Variants in BEAN1 observed in about 807,000 individuals in gnomAD.
BEAN1 encodes the protein protein BEAN1.
BEAN1 carries 17 observed loss-of-function variants against 17.7 expected under a neutral mutation model. The observed-to-expected ratio is 0.96, with a 90% CI of 0.66 to 1.44. The LOEUF (loss-of-function observed/expected upper bound fraction) is 1.44. Ranked by LOEUF, BEAN1 falls within the 40% of genes most tolerant of loss-of-function variation. The probability of loss-of-function intolerance (pLI) is 0.00; values close to 1 mark genes in which losing one functional copy is unlikely to be tolerated. For synonymous variants in BEAN1, 142 were observed against 151.8 expected, an observed-to-expected ratio of 0.94 and a Z score of 0.47; for missense variants, 359 against 374.1, an observed-to-expected ratio of 0.96 and a Z score of 0.33.
At chr16:66,435,170 G>T (rs1000209837) in intron 1 of BEAN1, among the ~76,000 whole-genome samples, 2 of 152,120 alleles carry the variant, frequency 1.3e-5, no homozygotes, top group African/African-American at 4.8e-5. Context: ...TAGGAAGCAG[G>T]CCAGCCAGAG....
intron 2 of BEAN1, among the ~76,000 whole-genome samples, chr16:66,462,523 CA>C (rs1471787296): frequency 6.6e-6 from 1 of 152,162 alleles, no homozygotes; most frequent in Non-Finnish European, 1.5e-5. Context: ...AGGACAAGGC[CA>C]GGGGCAGTGG....
intron 2 of BEAN1, among the ~76,000 whole-genome samples, chr16:66,438,390 C>T (rs1225977822): frequency 6.6e-6 from 1 of 152,008 alleles, no homozygotes; most frequent in Non-Finnish European, 1.5e-5. Context: ...TCTCAGAAAA[C>T]AAATAATAAT....
At chr16:66,463,976 A>G (rs1413625785) in intron 2 of BEAN1, among the ~76,000 whole-genome samples, 1 of 152,188 alleles carries the variant, frequency 6.6e-6, no homozygotes, top group Non-Finnish European at 1.5e-5. Flanking sequence ...ATTCTAGTCC[A>G]TTTATTTATA....
chr16:66,454,729 C>CTTTTTTT (rs538469751), intron 2 of BEAN1, among the ~76,000 whole-genome samples: 141 of 83,434 alleles, frequency 1.7e-3, no homozygotes, highest in African/African-American at 2.3e-3. Flanking sequence ...TTCTTTCTTT[C>CTTTTTTT]TTTTTTTTTT....
intron 2 of BEAN1, among the ~76,000 whole-genome samples, chr16:66,451,684 C>T (rs780993623): frequency 1.3e-5 from 2 of 152,176 alleles, no homozygotes; most frequent in African/African-American, 2.4e-5. Flanking sequence ...AGCTCATAGC[C>T]GAAATTGCTG....
At chr16:66,466,125 T>A (rs944285652) in intron 2 of BEAN1, among the ~76,000 whole-genome samples, 11 of 152,152 alleles carry the variant, frequency 7.2e-5, no homozygotes, top group Non-Finnish European at 1.5e-4. Context: ...AATTTGTTAA[T>A]CTTTTTAAAG....
intron 3 of BEAN1, among the ~76,000 whole-genome samples, chr16:66,470,816 A>G (rs1008473457): frequency 1.6e-4 from 25 of 152,208 alleles, no homozygotes; most frequent in African/African-American, 5.8e-4. Flanking sequence ...AAAAAATTCA[A>G]TTGCATTCCA....
chr16:66,430,217 C>T (rs1471576565), intron 1 of BEAN1, among the ~76,000 whole-genome samples: 1 of 152,244 alleles, frequency 6.6e-6, no homozygotes, highest in Non-Finnish European at 1.5e-5. Flanking sequence ...ATACAGATAG[C>T]ACATAGCCAT....
Position 66,434,630 on chromosome 16 carries a change from C to T in BEAN1, c.-82-2965C>T, listed in dbSNP as rs1407372443. Among the ~76,000 whole-genome samples the T allele has an allele frequency of 2.0e-5, 3 of 152,100 alleles. No individual in the cohort carries two copies. The highest frequency in any genetic ancestry group is 7.2e-5 in the African/African-American group (3 of 41,420). The stretch of plus-strand genomic sequence containing the variant: ...AGCCTGGGGTGCTAGGAGGTTGCAG[C>T]GGGAGGCTGTGTTTAAAGTGCTGAT... On this transcript the variant is annotated intron_variant, in intron 1 of 4. Coordinates refer to ENST00000536005, the MANE Select transcript of BEAN1 (RefSeq NM_001178020.3). This position sits in a 1 kb window ranked among gnomAD's most constrained non-coding sequence, Gnocchi z 4.3.
chr16:66,456,033 G>A (rs1006811020), intron 2 of BEAN1, among the ~76,000 whole-genome samples: 5 of 152,304 alleles, frequency 3.3e-5, no homozygotes, highest in Admixed American at 6.5e-5. Context: ...CAGGCTCTGA[G>A]CATAAGGCAA....
chr16:66,493,112 G>A (rs988282843), exon 5 of BEAN1: 7 of 703,016 alleles, frequency 1.0e-5, no homozygotes, highest in South Asian at 8.9e-5. Context: ...CAAGCAGATG[G>A]TGTTCAAGAT....
At chr16:66,460,888 C>T (rs1457414505) in intron 2 of BEAN1, among the ~76,000 whole-genome samples, 1 of 152,174 alleles carries the variant, frequency 6.6e-6, no homozygotes, top group Non-Finnish European at 1.5e-5. Flanking sequence ...GAGGCTGTTT[C>T]CTTACCTGTT....
At chr16:66,493,628 G>A, downstream of BEAN1, 1 of 506,742 alleles carries the variant, frequency 2.0e-6, no homozygotes, top group South Asian at 3.7e-5. Context: ...CACCGCCTCA[G>A]GGTGCAGCAG....
intron 1 of BEAN1, among the ~76,000 whole-genome samples, chr16:66,431,939 T>G (rs1303447635): frequency 6.6e-6 from 1 of 152,100 alleles, no homozygotes; most frequent in Non-Finnish European, 1.5e-5. Flanking sequence ...CCCGAGTAGC[T>G]GGGATCACAG....
chr16:66,445,663 G>A (rs369203990), intron 2 of BEAN1, among the ~76,000 whole-genome samples: 4 of 152,044 alleles, frequency 2.6e-5, no homozygotes, highest in Non-Finnish European at 5.9e-5. Context: ...GGTTTGGCTT[G>A]ATCCATCAAC....
intron 1 of BEAN1, among the ~76,000 whole-genome samples, chr16:66,435,174 G>A (rs1340553533): frequency 1.3e-5 from 2 of 152,156 alleles, no homozygotes; most frequent in Non-Finnish European, 2.9e-5. Flanking sequence ...AAGCAGGCCA[G>A]CCAGAGCATC....
intron 3 of BEAN1, among the ~76,000 whole-genome samples, chr16:66,476,728 G>A (rs1199053717): frequency 6.6e-6 from 1 of 152,204 alleles, no homozygotes; most frequent in African/African-American, 2.4e-5. Flanking sequence ...CTCAGCTGTG[G>A]AATGAGAGGA....
At chr16:66,448,605 T>A (rs1349316156) in intron 2 of BEAN1, among the ~76,000 whole-genome samples, 2 of 151,888 alleles carry the variant, frequency 1.3e-5, no homozygotes, top group Non-Finnish European at 2.9e-5. Context: ...GCAGATCATC[T>A]GAGGTCAGGA....
rs1304305477 is a variant in BEAN1, at chr16:66,434,804, C to T, written c.-82-2791C>T. Among the ~76,000 whole-genome samples the T allele has an allele frequency of 2.0e-5, 3 of 152,148 alleles. No individual in the cohort carries two copies. The highest frequency in any genetic ancestry group is 7.2e-5 in the African/African-American group (3 of 41,438). On this transcript the variant is annotated intron_variant, in intron 1 of 4. Coordinates refer to ENST00000536005, the MANE Select transcript of BEAN1 (RefSeq NM_001178020.3). The surrounding 1 kb of genome is among the most constrained non-coding windows in gnomAD (Gnocchi z 4.3). ...AGCACCTTTGAAAGGCAGCCTCCAC[C>T]CCTCAGTCGTGCGCTTGCATCAGGC... is the stretch of plus-strand genomic sequence containing the variant.
Sources: gnomAD v4.1 joint callset for allele counts (sites outside exome capture counted in the v4.1 genomes callset) on GRCh38, gnomAD v4.1.1 for gene constraint, Gnocchi (gnomAD v3.1) non-coding constraint, MANE v1.5 for transcripts, NCBI Gene and HGNC (gene_info 2026-07-23, HGNC 2026-07-21) for gene names.